HUNK: variants seen among roughly 807,000 people sequenced by gnomAD.
HUNK encodes the protein hormonally up-regulated neu tumor-associated kinase.
Under a neutral mutation model 61.0 loss-of-function variants are expected in HUNK, and 21 were observed. The observed-to-expected ratio is 0.34, with a 90% CI of 0.24 to 0.50. The LOEUF is 0.50. Among genes scored for constraint, HUNK ranks in the 20% least tolerant of loss-of-function variants. HUNK has a pLI of 0.98. For synonymous variants in HUNK, 371 were observed against 386.1 expected, an observed-to-expected ratio of 0.96 and a Z score of 0.46; for missense variants, 772 against 945.7, an observed-to-expected ratio of 0.82 and a Z score of 2.41.
At chr21:31,976,353 G>C (rs995212221) in intron 7 of HUNK, among the ~76,000 whole-genome samples, 2 of 150,770 alleles carry the variant, frequency 1.3e-5, no homozygotes, top group Non-Finnish European at 2.9e-5. Context: ...AAAATCTCTT[G>C]TATCACACAG....
intron 1 of HUNK, among the ~76,000 whole-genome samples, chr21:31,897,996 G>A (rs919975905): frequency 1.3e-5 from 2 of 152,160 alleles, no homozygotes; most frequent in Non-Finnish European, 1.5e-5. Flanking sequence ...AGAGAAAGAG[G>A]GAGGCTACGT....
At chr21:31,882,818 AG>A (rs1289074308) in intron 1 of HUNK, among the ~76,000 whole-genome samples, 1 of 152,154 alleles carries the variant, frequency 6.6e-6, no homozygotes, top group African/African-American at 2.4e-5. Flanking sequence ...CCCACCCACC[AG>A]GGCAGATGTA....
At chr21:31,911,883 G>A (rs1601373563) in intron 1 of HUNK, among the ~76,000 whole-genome samples, 1 of 152,100 alleles carries the variant, frequency 6.6e-6, no homozygotes, top group Non-Finnish European at 1.5e-5. Context: ...TTTAGGAAGT[G>A]AGAAACCATT....
intron 1 of HUNK, among the ~76,000 whole-genome samples, chr21:31,897,808 G>T: frequency 6.6e-6 from 1 of 152,264 alleles, no homozygotes; most frequent in East Asian, 1.9e-4. Flanking sequence ...GACTGCCCTG[G>T]GCATTGATGT....
chr21:31,944,997 G>A (rs1235071895), intron 3 of HUNK, among the ~76,000 whole-genome samples: 2 of 152,184 alleles, frequency 1.3e-5, no homozygotes, highest in Non-Finnish European at 2.9e-5. Flanking sequence ...ATGTTAGAGT[G>A]AGGTGAGAAT....
intron 5 of HUNK, 98 bp downstream of exon 5, chr21:31,959,068 A>T (rs2052910006): frequency 8.3e-7 from 1 of 1,208,554 alleles, no homozygotes; most frequent in African/African-American, 1.5e-5. Context: ...TAATGGTGTT[A>T]TGTCTATCCC....
chr21:31,874,388 G>A (rs1373610044), intron 1 of HUNK, among the ~76,000 whole-genome samples: 1 of 151,998 alleles, frequency 6.6e-6, no homozygotes, highest in Non-Finnish European at 1.5e-5. Flanking sequence ...CTTAGAGTCT[G>A]ATCCCCGTCC....
chr21:31,990,275 T>A, intron 9 of HUNK, 99 bp downstream of exon 9: 1 of 1,162,586 alleles, frequency 8.6e-7, no homozygotes, highest in Non-Finnish European at 1.3e-6. Context: ...AGATTTATTT[T>A]AAGGAGTTGG....
At chr21:31,916,043 CTTTTTTTTT>C (rs34245381) in intron 1 of HUNK, among the ~76,000 whole-genome samples, 245 of 81,776 alleles carry the variant, frequency 3.0e-3, no homozygotes, top group African/African-American at 0.012. Flanking sequence ...TAAGTGCTTT[CTTTTTTTTT>C]TTTTTTTTTT....
chr21:31,930,549 T>A (rs1209489553), intron 2 of HUNK, among the ~76,000 whole-genome samples: 1 of 152,240 alleles, frequency 6.6e-6, no homozygotes, highest in Non-Finnish European at 1.5e-5. Flanking sequence ...GGCCATAGAC[T>A]CTCAGCACCC....
At chr21:31,976,763 G>A (rs570031265) in intron 7 of HUNK, among the ~76,000 whole-genome samples, 1 of 147,738 alleles carries the variant, frequency 6.8e-6, no homozygotes, top group Non-Finnish European at 1.5e-5. Context: ...CAAAGCACCT[G>A]GCCCTCTTTT....
chr21:31,905,933 A>G (rs994456742), intron 1 of HUNK, among the ~76,000 whole-genome samples: 1 of 151,902 alleles, frequency 6.6e-6, no homozygotes, highest in Non-Finnish European at 1.5e-5. Flanking sequence ...TGGGGCTGGG[A>G]GGAGCTGTGA....
intron 3 of HUNK, among the ~76,000 whole-genome samples, chr21:31,941,498 G>A (rs1442640662): frequency 2.6e-5 from 4 of 151,892 alleles, no homozygotes; most frequent in Non-Finnish European, 5.9e-5. Flanking sequence ...GTAGAGATGG[G>A]GTTTCACCAT....
chr21:31,929,131 A>G (rs2052680400), intron 2 of HUNK, among the ~76,000 whole-genome samples: 3 of 152,186 alleles, frequency 2.0e-5, no homozygotes, highest in Admixed American at 1.3e-4. Context: ...GTCATAATCA[A>G]CTTAATGCTA....
At chr21:31,990,661 G>A (rs1011569546) in intron 9 of HUNK, among the ~76,000 whole-genome samples, 1 of 151,660 alleles carries the variant, frequency 6.6e-6, no homozygotes, top group East Asian at 1.9e-4. Flanking sequence ...TCAGCCTCCC[G>A]AGTAGCTGGG....
At chr21:31,921,269 T>A (rs1420827427) in intron 1 of HUNK, among the ~76,000 whole-genome samples, 1 of 152,042 alleles carries the variant, frequency 6.6e-6, no homozygotes, top group Non-Finnish European at 1.5e-5. Flanking sequence ...TTAGTCACTA[T>A]TAGTCACTTG....
intron 5 of HUNK, 66 bp from the exon 6 acceptor site, chr21:31,968,184 G>C (rs1258942093): frequency 1.3e-6 from 2 of 1,599,172 alleles, no homozygotes; most frequent in Non-Finnish European, 8.5e-7. Flanking sequence ...CCCTGTGATG[G>C]TGGCTTTCAC....
chr21:31,906,003 A>T (rs1373909210), intron 1 of HUNK, among the ~76,000 whole-genome samples: 3 of 150,132 alleles, frequency 2.0e-5, no homozygotes, highest in Non-Finnish European at 4.4e-5. Context: ...TTTTTCCTGG[A>T]GCTGCTGTGT....
At chr21:31,943,294 G>A (rs919918602) in intron 3 of HUNK, among the ~76,000 whole-genome samples, 1 of 152,058 alleles carries the variant, frequency 6.6e-6, no homozygotes, top group African/African-American at 2.4e-5. Flanking sequence ...ATCTTAAAAT[G>A]GAAGAGCTGC....
Sources: gnomAD v4.1 joint callset for allele counts (sites outside exome capture counted in the v4.1 genomes callset) on GRCh38, gnomAD v4.1.1 for gene constraint, MANE v1.5 for transcripts, NCBI Gene and HGNC (gene_info 2026-07-23, HGNC 2026-07-21) for gene names.